Variants in PRMT2 observed in about 807,000 individuals in gnomAD.
PRMT2 encodes protein arginine methyltransferase 2.
In PRMT2, 26 loss-of-function variants were observed where a neutral mutation model predicts 57.6. The observed-to-expected ratio is 0.45, with a 90% CI of 0.33 to 0.63. The LOEUF is 0.63. Ranked by LOEUF, PRMT2 falls within the 20% of genes least tolerant of loss-of-function variation. The pLI, the probability that PRMT2 is intolerant of heterozygous loss-of-function variation, is 0.02. For synonymous variants in PRMT2, 219 were observed against 220.0 expected (o/e 1.00, Z 0.04); for missense variants, 472 against 564.4 (o/e 0.84, Z 1.66).
In PRMT2 at chr21:46,665,012, C is replaced by T. The variant is rs766818708; in HGVS notation, c.*685C>T. 5 of 152,212 alleles carry T rather than the reference C, an allele frequency of 3.3e-5. No individual in the cohort carries two copies. The highest frequency in any genetic ancestry group is 7.3e-5 in the Non-Finnish European group (5 of 68,056). The allele number at this position is 152,212 out of a possible 1,614,324, so 9.4% of individuals were successfully genotyped here. A position where few individuals can be genotyped will look rare whatever the true frequency, so the allele number is the denominator to read the frequency against. ...TGTAATTACAGGATCATACTATATGCATTGCTTTATAAGTTTTTCTCAATA... is the reference window on the plus strand; with the variant it reads ...TGTAATTACAGGATCATACTATATGTATTGCTTTATAAGTTTTTCTCAATA... On this transcript the variant is annotated 3_prime_UTR_variant, in exon 12 of 12. Transcript: ENST00000355680.
intron 7 of PRMT2, chr21:46,657,836 A>T (rs545119493): frequency 1.3e-5 from 2 of 152,330 alleles, no homozygotes; most frequent in East Asian, 1.9e-4. Context: ...TAAGATGTAT[A>T]TATTTTTTGT....
intron 10 of PRMT2, among the ~76,000 whole-genome samples, chr21:46,662,491 G>A (rs899172154): frequency 2.0e-5 from 3 of 152,198 alleles, no homozygotes; most frequent in Non-Finnish European, 2.9e-5. Context: ...GCAGAGGTGC[G>A]GGGTTGATGG....
In PRMT2 at chr21:46,649,405, G is replaced by T. The variant is rs969329179; in HGVS notation, c.490-170G>T. The T allele has an allele frequency of 6.0e-6, 6 of 1,006,920 alleles. No individual in the cohort carries two copies. Among genetic ancestry groups the T allele is most frequent in the Non-Finnish European group, 9.1e-6 (6 of 658,756 alleles). The allele number at this position is 1,006,920 out of a possible 1,614,324, so 62.4% of individuals were successfully genotyped here. On this transcript the variant is annotated intron_variant, in intron 6 of 11. Transcript: ENST00000355680. This position sits in a 1 kb window ranked among gnomAD's most constrained non-coding sequence, Gnocchi z 4.8. ...AGGGTTAGAGGCGGCTCCTTTCTGG[G>T]TGCCCCTGGAGGGGCAGGTGTGGCC... is the stretch of plus-strand genomic sequence containing the variant.
rs2061395209 is a variant in PRMT2 at position 46,648,312 on chromosome 21, G to C, written c.328-146G>C. On this transcript the variant is annotated intron_variant, in intron 5 of 11. Coordinates refer to ENST00000355680, the MANE Select transcript of PRMT2 (RefSeq NM_206962.4). The surrounding 1 kb of genome is among the most constrained non-coding windows in gnomAD (Gnocchi z 4.8). ...AAATACCAATGAGATTAACTTGGTTGACAGTGATGTCCAGGCCTTCCATAG... is the reference window on the plus strand; with the variant it reads ...AAATACCAATGAGATTAACTTGGTTCACAGTGATGTCCAGGCCTTCCATAG... 1 of 726,704 alleles carries C rather than the reference G, an allele frequency of 1.4e-6. No homozygotes were observed. The highest frequency in any genetic ancestry group is 1.8e-5 in the African/African-American group (1 of 56,518). The allele number at this position is 726,704 out of a possible 1,614,324, so 45.0% of individuals were successfully genotyped here.
chr21:46,661,061 G>A, intron 9 of PRMT2, 99 bp downstream of exon 9: 1 of 1,183,598 alleles, frequency 8.4e-7, no homozygotes, highest in Non-Finnish European at 1.2e-6. Flanking sequence ...TGAGTGCTGG[G>A]GGTGTGAGTG....
chr21:46,651,837 C>G, intron 7 of PRMT2: 1 of 1,612,828 alleles, frequency 6.2e-7, no homozygotes, highest in Non-Finnish European at 8.5e-7. Context: ...CGCATTCTCC[C>G]CTGCACCTGT....
rs543379236 is a variant in PRMT2 at position 46,654,204 on chromosome 21, G to A, written c.654+4465G>A. ...GTTAAAAAATGTTCATGGCAGCACC[G>A]TTTAAAATGGGGAGAAAATTGGAAA... On this transcript the variant is annotated intron_variant, in intron 7 of 11. Coordinates refer to ENST00000355680, the MANE Select transcript of PRMT2 (RefSeq NM_206962.4). 55 of 841,552 alleles carry A rather than the reference G, an allele frequency of 6.5e-5. No homozygotes were observed. In the African/African-American group the frequency reaches 8.3e-4, roughly 13 times the overall value. 52.1% of individuals were successfully genotyped at this position (841,552 alleles called of 1,614,324 possible).
At position 46,664,797 on chromosome 21, in the gene PRMT2, G is replaced by C. The variant is rs1298928055; in HGVS notation, c.*470G>C. 1 of 191,708 alleles carries C rather than the reference G, an allele frequency of 5.2e-6. No individual in the cohort carries two copies. Among genetic ancestry groups the C allele is most frequent in the African/African-American group, 2.3e-5 (1 of 44,114 alleles). The allele number at this position is 191,708 out of a possible 1,614,324, so 11.9% of individuals were successfully genotyped here. On this transcript the variant is annotated 3_prime_UTR_variant, in exon 12 of 12. Transcript: ENST00000355680. ...CACAGGGCTGTGCCAGTGGCGTGTA[G>C]GGAACACTGCCCTGGCTCAGCGTGC...
chr21:46,652,303 A>C, intron 7 of PRMT2: 2 of 1,259,918 alleles, frequency 1.6e-6, no homozygotes, highest in Non-Finnish European at 2.0e-6. Context: ...TGTCAAATAA[A>C]ATACTTGACA....
At chr21:46,662,031 G>GCGGA (rs2061635487) in intron 10 of PRMT2, 95 bp downstream of exon 10, 1 of 122,218 alleles carries the variant, frequency 8.2e-6, no homozygotes, top group Non-Finnish European at 1.2e-5. Context: ...GTGGGACGCG[G>GCGGA]CGTGGCGGTC....
At chr21:46,658,641 A>C in intron 7 of PRMT2, 104 bp from the exon 8 acceptor site, 5 of 1,536,962 alleles carry the variant, frequency 3.3e-6, no homozygotes, top group Non-Finnish European at 4.4e-6. Context: ...CTTGAGGCTA[A>C]AACTGTAGAA....
intron 7 of PRMT2, among the ~76,000 whole-genome samples, chr21:46,651,545 G>T (rs1424959230): frequency 6.6e-6 from 1 of 152,082 alleles, no homozygotes; most frequent in Non-Finnish European, 1.5e-5. Context: ...GTTTTCTCCA[G>T]TGCAGGCAGT....
At position 46,663,449 on chromosome 21, in the gene PRMT2, G is replaced by C; in HGVS notation, c.1164G>C (p.Val388=). 6.2e-7 allele frequency: 1 copy of C among 1,614,200 alleles called. No individual in the cohort carries two copies. Among genetic ancestry groups the C allele is most frequent in the Non-Finnish European group, 8.5e-7 (1 of 1,180,030 alleles). The change falls in exon 11 of 12, where the codon GTG becomes GTC. Residue 388 remains valine, a synonymous_variant. Coordinates refer to ENST00000355680, the MANE Select transcript of PRMT2 (RefSeq NM_206962.4). ...DDPVPVHTGD[V]VTGSVVLQRN... ...CAGTCCCTGTCCATACAGGAGACGT[G>C]GTCACGGGTTCAGTTGTGTTGCAGA...
In PRMT2 at chr21:46,637,658, A is replaced by G. The variant is rs553739529; in HGVS notation, c.39+668A>G. 5.9e-5 allele frequency among the ~76,000 whole-genome samples: 9 copies of G among 152,046 alleles called. No homozygotes were observed. The East Asian group carries it at 1.7e-3, about 29-fold the overall frequency. ...AATGTTTTAATTCCGTGGACATCTT[A>G]TTTTTCTTTTGAGAAATTTAACAAA... is the stretch of plus-strand genomic sequence containing the variant. On this transcript the variant is annotated intron_variant, in intron 3 of 11. Transcript: ENST00000355680.
intron 7 of PRMT2, 56 bp from the exon 8 acceptor site, chr21:46,658,689 C>A: frequency 6.3e-7 from 1 of 1,588,742 alleles, no homozygotes; most frequent in Non-Finnish European, 8.6e-7. Context: ...GGTGAGAGGC[C>A]TGTGCAGCCG....
chr21:46,663,304 A>T, intron 10 of PRMT2, 79 bp from the exon 11 acceptor site: 1 of 1,443,816 alleles, frequency 6.9e-7, no homozygotes, highest in Non-Finnish European at 9.5e-7. Context: ...AGCCAGTGCG[A>T]GCCTGAGTCA....
chr21:46,644,423 G>A lies in PRMT2; in HGVS notation c.262G>A (p.Val88Met), dbSNP rs765134818. The part of the protein sequence containing the change: ...YIPANHVGKH[V>M]DEYDPEDTWQ... Reference sequence around the variant, plus strand: ...TCCGGCAAACCATGTGGGGAAGCACGTGGATGAGTACGACCCCGAGGACAC... The same window carrying A: ...TCCGGCAAACCATGTGGGGAAGCACATGGATGAGTACGACCCCGAGGACAC... The change falls in exon 5 of 12, where the codon GTG becomes ATG. Residue 88 changes from valine (V) to methionine (M), a missense_variant. This residue lies in a region of PRMT2 where 243 missense variants were observed against 347.2 expected (regional missense o/e 0.70). Coordinates refer to ENST00000355680, the MANE Select transcript of PRMT2 (RefSeq NM_206962.4). 1.7e-5 allele frequency: 27 copies of A among 1,612,834 alleles called. No individual in the cohort carries two copies. The highest frequency in any genetic ancestry group is 4.5e-5 in the East Asian group (2 of 44,778).
chr21:46,664,328 C>T lies in PRMT2; in HGVS notation c.*1C>T. The T allele has an allele frequency of 1.2e-6, 2 of 1,614,126 alleles. No homozygotes were observed. The highest frequency in any genetic ancestry group is 1.7e-6 in the Non-Finnish European group (2 of 1,179,992). ...AAAAGTCTTCCCCATCTGGAGATGA[C>T]AGTTGATGCTTTATTTGGAAAGCAG... On this transcript the variant is annotated 3_prime_UTR_variant, in exon 12 of 12. Transcript: ENST00000355680.
chr21:46,661,756 T>C, intron 9 of PRMT2, 44 bp from the exon 10 acceptor site: 1 of 1,292,342 alleles, frequency 7.7e-7, no homozygotes, highest in Non-Finnish European at 9.9e-7. Flanking sequence ...GGCCCTGCGG[T>C]GCCACGCGGT....
Sources: allele counts gnomAD v4.1 joint callset (sites outside exome capture counted in the v4.1 genomes callset), GRCh38; gene constraint gnomAD v4.1.1; regional missense constraint gnomAD v4.1.1; non-coding constraint Gnocchi (gnomAD v3.1); transcripts MANE v1.5; gene names NCBI Gene and HGNC (gene_info 2026-07-23, HGNC 2026-07-21).